The following SPATA16 variants were observed in gnomAD, a reference collection of about 807,000 sequenced individuals.
SPATA16 encodes spermatogenesis-associated protein 16.
SPATA16 carries 36 observed loss-of-function variants against 63.3 expected under a neutral mutation model. The ratio of observed to expected loss-of-function variants is 0.57; its 90% CI spans 0.44 to 0.75. SPATA16 has a LOEUF of 0.75. SPATA16 is among the 30% of genes least tolerant of loss of function. The probability of loss-of-function intolerance (pLI) is 0.00; values close to 1 mark genes in which losing one functional copy is unlikely to be tolerated. For missense variants in SPATA16, 646 were observed against 679.3 expected (o/e 0.95, Z 0.54); for synonymous variants, 203 against 216.7 (o/e 0.94, Z 0.56).
intron 2 of SPATA16, among the ~76,000 whole-genome samples, chr3:173,112,739 A>G (rs1421806951): frequency 6.6e-6 from 1 of 152,222 alleles, no homozygotes; most frequent in African/African-American, 2.4e-5. Context: ...AAAAAAGATT[A>G]GCACCTCAAG....
intron 5 of SPATA16, among the ~76,000 whole-genome samples, chr3:172,968,217 C>A (rs1409617541): frequency 6.6e-6 from 1 of 152,208 alleles, no homozygotes; most frequent in Admixed American, 6.5e-5. Context: ...CCTTGCAGGG[C>A]ATATTCTGAG....
intron 5 of SPATA16, among the ~76,000 whole-genome samples, chr3:172,966,274 T>G (rs183185171): frequency 1.8e-4 from 28 of 152,362 alleles, no homozygotes; most frequent in South Asian, 2.1e-4. Context: ...ACATCTCTGA[T>G]TTGCATCTTA....
At chr3:173,105,878 T>C (rs562374821) in intron 2 of SPATA16, among the ~76,000 whole-genome samples, 5 of 152,110 alleles carry the variant, frequency 3.3e-5, no homozygotes, top group Non-Finnish European at 5.9e-5. Context: ...TATTTATAGA[T>C]AGATAGAGAT....
chr3:173,067,608 A>C (rs1356723374), intron 2 of SPATA16, among the ~76,000 whole-genome samples: 1 of 152,194 alleles, frequency 6.6e-6, no homozygotes, highest in Non-Finnish European at 1.5e-5. Context: ...AGTTGGGAAA[A>C]AAAAGAAAAA....
chr3:173,056,872 A>G (rs1289395453), intron 2 of SPATA16, among the ~76,000 whole-genome samples: 2 of 151,994 alleles, frequency 1.3e-5, no homozygotes, highest in African/African-American at 4.8e-5. Context: ...ATTTAAAATA[A>G]CTTCTTATGT....
intron 10 of SPATA16, among the ~76,000 whole-genome samples, chr3:172,900,779 T>A (rs1008573190): frequency 6.6e-6 from 1 of 152,042 alleles, no homozygotes; most frequent in Non-Finnish European, 1.5e-5. Flanking sequence ...TAGCTGGGAT[T>A]ATAGGCACAT....
At chr3:173,038,500 A>G (rs1230303336) in intron 3 of SPATA16, among the ~76,000 whole-genome samples, 1 of 152,082 alleles carries the variant, frequency 6.6e-6, no homozygotes, top group Non-Finnish European at 1.5e-5. Context: ...TCTAGTATTC[A>G]TCAGCTCTCT....
intron 4 of SPATA16, among the ~76,000 whole-genome samples, chr3:172,980,900 T>G (rs1457450240): frequency 6.6e-6 from 1 of 152,170 alleles, no homozygotes; most frequent in Non-Finnish European, 1.5e-5. Flanking sequence ...CCGTGTGCAT[T>G]CTCTACTTCT....
chr3:172,941,425 A>G (rs565761913), intron 6 of SPATA16, among the ~76,000 whole-genome samples: 1 of 152,358 alleles, frequency 6.6e-6, no homozygotes, highest in East Asian at 1.9e-4. Context: ...TAGAACTTCA[A>G]ATGAAGACAT....
chr3:173,129,523 G>A (rs1738314045), intron 1 of SPATA16, among the ~76,000 whole-genome samples: 4 of 151,784 alleles, frequency 2.6e-5, no homozygotes, highest in Admixed American at 2.6e-4. Flanking sequence ...GTTAAATATT[G>A]TGCTCTCTAT....
intron 3 of SPATA16, among the ~76,000 whole-genome samples, chr3:173,039,891 G>A (rs946229025): frequency 6.6e-6 from 1 of 152,156 alleles, no homozygotes; most frequent in Non-Finnish European, 1.5e-5. Context: ...AAAAGGTGGT[G>A]AGTGTATTTA....
In SPATA16 at chr3:172,889,385, T is replaced by C. The variant is rs1050212473; in HGVS notation, c.*185A>G. ...AGTCAAACTTGCTGAGAATATTTAT[T>C]GCTGCCAGTTGAGATTAATGAAACA... On this transcript the variant is annotated 3_prime_UTR_variant, in exon 11 of 11. Coordinates refer to ENST00000351008, the MANE Select transcript of SPATA16 (RefSeq NM_031955.6). The C allele has an allele frequency of 2.4e-6, 2 of 819,956 alleles. No individual in the cohort carries two copies. The highest frequency in any genetic ancestry group is 3.9e-6 in the Non-Finnish European group (2 of 513,818). The allele number at this position is 819,956 out of a possible 1,614,324, so 50.8% of individuals were successfully genotyped here.
chr3:172,899,268 T>C (rs1230299201), intron 10 of SPATA16, among the ~76,000 whole-genome samples: 1 of 152,062 alleles, frequency 6.6e-6, no homozygotes, highest in African/African-American at 2.4e-5. Context: ...CTATTTTTTC[T>C]TTTAGTCCCA....
chr3:173,123,553 A>G (rs1189901615), intron 1 of SPATA16, among the ~76,000 whole-genome samples: 1 of 152,008 alleles, frequency 6.6e-6, no homozygotes, highest in Admixed American at 6.6e-5. Flanking sequence ...CTAGCAATTT[A>G]TAAGTTAACT....
At chr3:172,921,021 T>C (rs1451286545) in intron 8 of SPATA16, among the ~76,000 whole-genome samples, 1 of 152,018 alleles carries the variant, frequency 6.6e-6, no homozygotes, top group Non-Finnish European at 1.5e-5. Flanking sequence ...AGGCAAAGTA[T>C]ATTTCCTAGC....
chr3:172,899,449 C>G (rs1219247782), intron 10 of SPATA16, among the ~76,000 whole-genome samples: 1 of 151,950 alleles, frequency 6.6e-6, no homozygotes, highest in Non-Finnish European at 1.5e-5. Flanking sequence ...AATATAACCA[C>G]TATTGCTTCC....
At chr3:173,010,472 T>C (rs1012721171) in intron 4 of SPATA16, among the ~76,000 whole-genome samples, 1 of 103,702 alleles carries the variant, frequency 9.6e-6, no homozygotes, top group Non-Finnish European at 1.9e-5. Context: ...GTGTGTGTGT[T>C]TGTTTTTGTT....
chr3:173,082,605 T>C (rs1460784866), intron 2 of SPATA16, among the ~76,000 whole-genome samples: 2 of 152,194 alleles, frequency 1.3e-5, no homozygotes, highest in African/African-American at 4.8e-5. Context: ...CAGGTTTGTA[T>C]TGTTTGAGCA....
In SPATA16 at chr3:173,068,063, C is replaced by G. The variant is rs956279577; in HGVS notation, c.613-18969G>C. Among the ~76,000 whole-genome samples, 5 of 151,438 alleles carry G rather than the reference C, an allele frequency of 3.3e-5. No individual in the cohort carries two copies. In the South Asian group the frequency reaches 1.0e-3, roughly 32 times the overall value. On this transcript the variant is annotated intron_variant, in intron 2 of 10. Coordinates refer to ENST00000351008, the MANE Select transcript of SPATA16 (RefSeq NM_031955.6). ...AACAAAAGCTGTGGGACTTCATCAA[C>G]TCTAGGCTGGTCTTAAAAGAAGTGC...
Sources: gnomAD v4.1 joint callset for allele counts (sites outside exome capture counted in the v4.1 genomes callset) on GRCh38, gnomAD v4.1.1 for gene constraint, MANE v1.5 for transcripts, NCBI Gene and HGNC (gene_info 2026-07-23, HGNC 2026-07-21) for gene names.